LIMCH1: variants seen among roughly 807,000 people sequenced by gnomAD.
LIMCH1 encodes the protein LIM and calponin homology domains 1.
A neutral mutation model predicts 176.5 loss-of-function variants in LIMCH1; 113 were observed. The observed-to-expected ratio is 0.64, with a 90% CI of 0.55 to 0.75. The LOEUF (loss-of-function observed/expected upper bound fraction) is 0.75. Ranked by LOEUF, LIMCH1 falls within the 30% of genes least tolerant of loss-of-function variation. The pLI, the probability that LIMCH1 is intolerant of heterozygous loss-of-function variation, is 0.00. For missense variants in LIMCH1, 1,674 were observed against 1,814.9 expected, an observed-to-expected ratio of 0.92 and a Z score of 1.41; for synonymous variants, 619 against 645.9, an observed-to-expected ratio of 0.96 and a Z score of 0.63.
At chr4:41,553,286 G>T (rs1471453657) in intron 1 of LIMCH1, among the ~76,000 whole-genome samples, 2 of 152,180 alleles carry the variant, frequency 1.3e-5, no homozygotes, top group Non-Finnish European at 2.9e-5. Flanking sequence ...GACAATTTCA[G>T]TTTAGCATGG....
At chr4:41,467,431 G>T (rs1018019740) in intron 1 of LIMCH1, among the ~76,000 whole-genome samples, 3 of 152,128 alleles carry the variant, frequency 2.0e-5, no homozygotes, top group African/African-American at 7.2e-5. Flanking sequence ...CCACATGGCT[G>T]GGAGGCCTCA....
intron 2 of LIMCH1, among the ~76,000 whole-genome samples, chr4:41,603,418 G>A (rs191686760): frequency 3.0e-4 from 45 of 152,238 alleles, no homozygotes; most frequent in Admixed American, 2.6e-3. Flanking sequence ...TATTTGGATA[G>A]GATTCCTTCT....
chr4:41,628,876 T>C (rs2093148738), intron 8 of LIMCH1, among the ~76,000 whole-genome samples: 2 of 151,670 alleles, frequency 1.3e-5, no homozygotes, highest in Admixed American at 6.6e-5. Context: ...TACCCTCTGC[T>C]TTTCAAGTTT....
Position 41,612,473 on chromosome 4 carries a change from C to T in LIMCH1, c.10-993C>T, listed in dbSNP as rs148712408. On this transcript the variant is annotated intron_variant, in intron 4 of 31. Transcript: ENST00000503057. ...TGTTATCCACAGTCCTAATTTTAAG[C>T]GACAGTCTGGATGATATTAAATTGA... 1,358 of 695,754 alleles carry T rather than the reference C, an allele frequency of 2.0e-3. 27 individuals carry two copies. In the Admixed American group the frequency reaches 0.025, roughly 13 times the overall value. 43.1% of individuals were successfully genotyped at this position (695,754 alleles called of 1,614,324 possible).
At chr4:41,481,451 G>T (rs2068604266) in intron 1 of LIMCH1, among the ~76,000 whole-genome samples, 1 of 152,272 alleles carries the variant, frequency 6.6e-6, no homozygotes, top group South Asian at 2.1e-4. Flanking sequence ...TTCCTCATCT[G>T]TAAAATATAG....
intron 1 of LIMCH1, among the ~76,000 whole-genome samples, chr4:41,478,959 C>T (rs1232147767): frequency 6.6e-6 from 1 of 152,164 alleles, no homozygotes; most frequent in Non-Finnish European, 1.5e-5. Flanking sequence ...GAACTACTTT[C>T]AGCCCTAGCC....
At chr4:41,452,508 C>T (rs1184375102) in intron 1 of LIMCH1, among the ~76,000 whole-genome samples, 1 of 152,244 alleles carries the variant, frequency 6.6e-6, no homozygotes, top group Non-Finnish European at 1.5e-5. Flanking sequence ...CCTGCATCCT[C>T]ATCAACACTG....
intron 1 of LIMCH1, among the ~76,000 whole-genome samples, chr4:41,454,109 C>A (rs1338276503): frequency 6.6e-6 from 1 of 152,058 alleles, no homozygotes; most frequent in Non-Finnish European, 1.5e-5. Context: ...TCTTTCAATG[C>A]CCCCCACCCT....
At chr4:41,434,596 CA>C (rs1187381281) in intron 1 of LIMCH1, among the ~76,000 whole-genome samples, 2 of 152,104 alleles carry the variant, frequency 1.3e-5, no homozygotes, top group Non-Finnish European at 2.9e-5. Flanking sequence ...GGCTCACTGC[CA>C]CCTCCACCTC....
chr4:41,519,540 C>G (rs2075913061), intron 2 of LIMCH1, among the ~76,000 whole-genome samples: 1 of 152,162 alleles, frequency 6.6e-6, no homozygotes. Context: ...CTAGTTGTTT[C>G]TCACCTGGTG....
intron 3 of LIMCH1, among the ~76,000 whole-genome samples, chr4:41,530,823 T>TAAAAAAAAA (rs2077203718): frequency 3.5e-5 from 3 of 86,484 alleles, no homozygotes; most frequent in African/African-American, 2.2e-4. Context: ...AAAAAAATTT[T>TAAAAAAAAA]TTTTTTTTTT....
intron 1 of LIMCH1, among the ~76,000 whole-genome samples, chr4:41,454,928 T>C (rs1456266441): frequency 6.7e-6 from 1 of 148,402 alleles, no homozygotes; most frequent in African/African-American, 2.5e-5. Context: ...ATAGCTGTGC[T>C]TGTATGCGTA....
chr4:41,583,343 C>T (rs1338303256), intron 1 of LIMCH1, among the ~76,000 whole-genome samples: 1 of 152,148 alleles, frequency 6.6e-6, no homozygotes, highest in East Asian at 1.9e-4. Context: ...TCCTCTCTTC[C>T]CCCCTCCATG....
chr4:41,395,890 A>G (rs2057757387), intron 1 of LIMCH1, among the ~76,000 whole-genome samples: 1 of 152,206 alleles, frequency 6.6e-6, no homozygotes, highest in South Asian at 2.1e-4. Flanking sequence ...GGAGAAAAAT[A>G]AAGTAGGGCA....
chr4:41,589,138 A>C (rs1304359521), intron 1 of LIMCH1, among the ~76,000 whole-genome samples: 1 of 152,248 alleles, frequency 6.6e-6, no homozygotes, highest in Non-Finnish European at 1.5e-5. Context: ...ACTGAGAGAA[A>C]AGAGCAAAGT....
At chr4:41,390,774 A>G (rs1216952065) in intron 1 of LIMCH1, among the ~76,000 whole-genome samples, 1 of 152,098 alleles carries the variant, frequency 6.6e-6, no homozygotes, top group East Asian at 1.9e-4. Context: ...TAGGGCAAAT[A>G]TTACCTGTAA....
intron 1 of LIMCH1, among the ~76,000 whole-genome samples, chr4:41,539,216 C>T (rs2152467566): frequency 6.6e-6 from 1 of 152,288 alleles, no homozygotes; most frequent in Middle Eastern, 3.4e-3. Flanking sequence ...GATTCTCTCA[C>T]TGAGCTACAG....
At chr4:41,478,784 A>G (rs1007890949) in intron 1 of LIMCH1, among the ~76,000 whole-genome samples, 5 of 152,168 alleles carry the variant, frequency 3.3e-5, no homozygotes, top group Non-Finnish European at 5.9e-5. Context: ...AGTATGTGCC[A>G]TTTCTATGTA....
At chr4:41,428,429 TA>T (rs1236366412) in intron 1 of LIMCH1, among the ~76,000 whole-genome samples, 1 of 152,134 alleles carries the variant, frequency 6.6e-6, no homozygotes, top group African/African-American at 2.4e-5. Flanking sequence ...AGAGATGAGA[TA>T]ATGTCAGAAG....
Sources: gnomAD v4.1 joint callset for allele counts (sites outside exome capture counted in the v4.1 genomes callset) on GRCh38, gnomAD v4.1.1 for gene constraint, MANE v1.5 for transcripts, NCBI Gene and HGNC (gene_info 2026-07-23, HGNC 2026-07-21) for gene names.